Variants in SLC35H1 observed in about 807,000 individuals in gnomAD.
SLC35H1 encodes ovarian cancer-overexpressed gene 1 protein.
At chr20:46,347,717 C>A in the SLC35H1 span, 1 of 152,202 alleles carries the variant, frequency 6.6e-6, no homozygotes. Flanking sequence ...CTTGAGCCCT[C>A]AAGGCAGAAA....
the SLC35H1 span, chr20:46,358,264 C>T: frequency 1.6e-5 from 15 of 926,700 alleles, no homozygotes; most frequent in Middle Eastern, 6.5e-4. Flanking sequence ...CCAGCCCAGC[C>T]GTGACTGGCT....
chr20:46,355,237 G>A, the SLC35H1 span: 38 of 1,612,740 alleles, frequency 2.4e-5, no homozygotes, highest in East Asian at 2.0e-4. This position sits in a 1 kb window ranked among gnomAD's most constrained non-coding sequence, Gnocchi z 4.8. Flanking sequence ...GACCAGTGCC[G>A]CGCGCTGGTA....
At chr20:46,357,814 C>G in the SLC35H1 span, 1 of 1,607,060 alleles carries the variant, frequency 6.2e-7, no homozygotes, top group Non-Finnish European at 8.5e-7. Context: ...TTGGTTTAGA[C>G]AGCCTGCCCC....
the SLC35H1 span, chr20:46,349,273 A>G: frequency 6.6e-5 from 10 of 152,262 alleles, no homozygotes; most frequent in African/African-American, 2.4e-4. Context: ...AGTCCACAGC[A>G]CATCAGAGCT....
the SLC35H1 span, chr20:46,348,539 G>A: frequency 6.6e-5 from 10 of 152,350 alleles, no homozygotes; most frequent in East Asian, 1.7e-3. Context: ...GGAATCCAAG[G>A]GGGGCAGAGG....
chr20:46,356,026 TCTGA>T, the SLC35H1 span: 1 of 1,185,074 alleles, frequency 8.4e-7, no homozygotes, highest in Non-Finnish European at 1.2e-6. Context: ...AGAAGGAATC[TCTGA>T]CTAAGAGGCC....
the SLC35H1 span, among the ~76,000 whole-genome samples, chr20:46,351,310 G>C: frequency 2.0e-5 from 3 of 152,200 alleles, no homozygotes. Context: ...TATAAACAGA[G>C]ACTCCAAACA....
the SLC35H1 span, chr20:46,358,743 G>A: frequency 4.0e-5 from 62 of 1,542,730 alleles, 2 homozygotes; most frequent in South Asian, 6.4e-4. Flanking sequence ...TGGATGCAGC[G>A]CTCACAGGTC....
the SLC35H1 span, chr20:46,355,778 A>G: frequency 6.2e-7 from 1 of 1,613,978 alleles, no homozygotes; most frequent in Non-Finnish European, 8.5e-7. This position sits in a 1 kb window ranked among gnomAD's most constrained non-coding sequence, Gnocchi z 4.8. Context: ...GGCAGGAAGG[A>G]CACAAGAGAC....
the SLC35H1 span, chr20:46,354,742 G>A: frequency 1.4e-6 from 1 of 722,228 alleles, no homozygotes; most frequent in Non-Finnish European, 2.3e-6. Context: ...TATCATGCTG[G>A]ACCCCAAACC....
the SLC35H1 span, chr20:46,364,251 G>T: frequency 6.6e-6 from 1 of 152,238 alleles, no homozygotes; most frequent in South Asian, 2.1e-4. Flanking sequence ...GAGGGGCAGG[G>T]GCGTGGCGTG....
the SLC35H1 span, chr20:46,352,088 G>A: frequency 6.2e-7 from 1 of 1,614,096 alleles, no homozygotes; most frequent in South Asian, 1.1e-5. Context: ...GAGGCTGGAG[G>A]TTCTGGAGAC....
chr20:46,364,324 C>G, the SLC35H1 span: 3 of 152,438 alleles, frequency 2.0e-5, no homozygotes, highest in Non-Finnish European at 4.4e-5. Context: ...GCCCCGGCCC[C>G]CCAGCCTCTG....
At chr20:46,360,032 G>C in the SLC35H1 span, among the ~76,000 whole-genome samples, 1 of 152,176 alleles carries the variant, frequency 6.6e-6, no homozygotes, top group Non-Finnish European at 1.5e-5. Flanking sequence ...GTATTTTGGG[G>C]ATATGCTCCT....
the SLC35H1 span, chr20:46,355,899 C>T: frequency 7.4e-6 from 12 of 1,613,822 alleles, no homozygotes; most frequent in Non-Finnish European, 9.3e-6. This position sits in a 1 kb window ranked among gnomAD's most constrained non-coding sequence, Gnocchi z 4.8. Flanking sequence ...ACCCACAATG[C>T]ACTGCTGGAG....
chr20:46,350,263 C>T, the SLC35H1 span: 9 of 1,156,598 alleles, frequency 7.8e-6, no homozygotes, highest in Non-Finnish European at 8.5e-6. Flanking sequence ...GAGTCCCTGG[C>T]TTGGCCCCAC....
the SLC35H1 span, among the ~76,000 whole-genome samples, chr20:46,351,628 G>A: frequency 2.0e-5 from 3 of 152,374 alleles, no homozygotes; most frequent in East Asian, 1.9e-4. Flanking sequence ...CATGGCCTTG[G>A]AGGACACCGC....
the SLC35H1 span, among the ~76,000 whole-genome samples, chr20:46,361,134 T>A: frequency 6.6e-6 from 1 of 152,128 alleles, no homozygotes; most frequent in African/African-American, 2.4e-5. Context: ...ATATCAGGCA[T>A]CTCACTCACA....
chr20:46,349,918 C>T, the SLC35H1 span: 4 of 152,546 alleles, frequency 2.6e-5, no homozygotes, highest in East Asian at 1.9e-4. Context: ...TCCCTGCCCC[C>T]ACGTCTCCAG....
Sources: gnomAD v4.1 joint callset for allele counts (sites outside exome capture counted in the v4.1 genomes callset) on GRCh38, gnomAD v4.1.1 for gene constraint, Gnocchi (gnomAD v3.1) non-coding constraint, MANE v1.5 for transcripts, NCBI Gene and HGNC (gene_info 2026-07-23, HGNC 2026-07-21) for gene names.